PDE3B: variants seen among roughly 807,000 people sequenced by gnomAD.
The protein encoded by PDE3B is cGMP-inhibited 3',5'-cyclic phosphodiesterase 3B.
Under a neutral mutation model 116.8 loss-of-function variants are expected in PDE3B, and 66 were observed. The observed-to-expected ratio is 0.56, with a 90% CI of 0.46 to 0.69. PDE3B has a LOEUF of 0.69. PDE3B is among the 30% of genes least tolerant of loss of function. The pLI is 0.00. For missense variants in PDE3B, 1,384 were observed against 1,368.1 expected, an observed-to-expected ratio of 1.01 and a Z score of -0.18; for synonymous variants, 595 against 533.6, an observed-to-expected ratio of 1.12 and a Z score of -1.59.
At chr11:14,840,162 G>A (rs1196394824) in intron 11 of PDE3B, among the ~76,000 whole-genome samples, 1 of 152,164 alleles carries the variant, frequency 6.6e-6, no homozygotes, top group Non-Finnish European at 1.5e-5. Flanking sequence ...AAAAGAAAAT[G>A]TCTTTTGCAG....
rs1848107693 is a variant in PDE3B at position 14,869,525 on chromosome 11, C to G, written c.3204C>G (p.Asn1068Lys). 3.1e-6 allele frequency: 5 copies of G among 1,612,502 alleles called. No homozygotes were observed. Among genetic ancestry groups the G allele is most frequent in the Non-Finnish European group, 2.5e-6 (3 of 1,179,620 alleles). The change falls in exon 16 of 16, where the codon AAC (asparagine) becomes AAG (lysine). Residue 1068 changes from asparagine to lysine, a missense_variant. Coordinates refer to ENST00000282096, the MANE Select transcript of PDE3B (RefSeq NM_000922.4). ...AGCTAATGCACCACCTCACTGAAAA[C>G]CACAAGATATGGAAGGAAATCGTAG... is the stretch of plus-strand genomic sequence containing the variant. The part of the protein sequence containing the change: ...FCQLMHHLTE[N>K]HKIWKEIVEE...
In PDE3B at chr11:14,763,724, C is replaced by G. The variant is rs537026356; in HGVS notation, c.979-8213C>G. 5.9e-5 allele frequency among the ~76,000 whole-genome samples: 9 copies of G among 152,092 alleles called. No individual in the cohort carries two copies. In the East Asian group the frequency reaches 1.2e-3, roughly 20 times the overall value. On this transcript the variant is annotated intron_variant, in intron 1 of 15. Transcript: ENST00000282096. ...GAATGAAATGCCAGGTATATGGATA[C>G]AGATATTAGAAGGTAATATGATGAT...
At chr11:14,897,588 C>T in the PDE3B span, among the ~76,000 whole-genome samples, 1 of 152,176 alleles carries the variant, frequency 6.6e-6, no homozygotes, top group East Asian at 1.9e-4. Flanking sequence ...TCTTCAACAA[C>T]TTTGAAAATT....
chr11:14,884,362 T>C, the PDE3B span, among the ~76,000 whole-genome samples: 2 of 151,988 alleles, frequency 1.3e-5, no homozygotes, highest in Non-Finnish European at 2.9e-5. Context: ...TAAAAAATAA[T>C]GAGTTCATGT....
chr11:14,810,480 C>T (rs1859092216), intron 5 of PDE3B, among the ~76,000 whole-genome samples: 1 of 151,998 alleles, frequency 6.6e-6, no homozygotes, highest in Non-Finnish European at 1.5e-5. Context: ...ATCCATGTCC[C>T]TACAAAGGAC....
chr11:14,849,720 A>G (rs1276247397), intron 12 of PDE3B, among the ~76,000 whole-genome samples: 2 of 152,250 alleles, frequency 1.3e-5, no homozygotes, highest in Admixed American at 6.5e-5. Flanking sequence ...TTATGCAGCC[A>G]AAAAACACGT....
At chr11:14,652,459 G>T (rs1471587911) in intron 1 of PDE3B, among the ~76,000 whole-genome samples, 1 of 152,062 alleles carries the variant, frequency 6.6e-6, no homozygotes. Context: ...TTGGCTATTT[G>T]AGTGTCCTTT....
chr11:14,786,998 C>T (rs772072508), intron 3 of PDE3B, among the ~76,000 whole-genome samples: 5 of 151,964 alleles, frequency 3.3e-5, no homozygotes, highest in Non-Finnish European at 5.9e-5. Flanking sequence ...CACGTTATTG[C>T]TCTATTTTAT....
rs1853315098 is a variant in PDE3B at position 14,644,491 on chromosome 11, C to G, written c.416C>G (p.Thr139Ser). Residue 139 changes from threonine to serine, a missense_variant, in exon 1 of 16, where the codon ACC becomes AGC. Thr to Ser is a moderately conservative substitution (Grantham distance 58, BLOSUM62 1). Around this residue, in one of 2 missense-constraint regions of PDE3B, gnomAD observed 956 missense variants for 806.8 expected, o/e 1.18. Coordinates refer to ENST00000282096, the MANE Select transcript of PDE3B (RefSeq NM_000922.4). The stretch of plus-strand genomic sequence containing the variant: ...TTCCTCACCTGCTTCCTCACCCGGA[C>G]CAAGCGGGGACCCGGCCCGGGCCGG... Reference protein sequence around the residue: ...FFFLTCFLTRTKRGPGPGRSC... With the variant: ...FFFLTCFLTRSKRGPGPGRSC... The G allele has an allele frequency of 7.4e-6, 12 of 1,612,724 alleles. No individual in the cohort carries two copies. Among genetic ancestry groups the G allele is most frequent in the Non-Finnish European group, 1.0e-5 (12 of 1,179,474 alleles).
chr11:14,795,513 C>T (rs553697064), intron 4 of PDE3B, among the ~76,000 whole-genome samples: 190 of 152,178 alleles, frequency 1.2e-3, no homozygotes, highest in African/African-American at 4.0e-3. Context: ...TGGGAAGATT[C>T]GGGAACTAAT....
downstream of PDE3B, among the ~76,000 whole-genome samples, chr11:14,872,592 A>G (rs1347228878): frequency 6.6e-6 from 1 of 152,204 alleles, no homozygotes; most frequent in Admixed American, 6.5e-5. Flanking sequence ...ACCAATGGAA[A>G]ACTTTCAATC....
chr11:14,890,895 C>A, the PDE3B span: 2 of 985,374 alleles, frequency 2.0e-6, no homozygotes, highest in Non-Finnish European at 2.4e-6. Context: ...GATTTAAGGT[C>A]AAACCTGAAA....
At chr11:14,698,638 T>G (rs189834558) in intron 1 of PDE3B, among the ~76,000 whole-genome samples, 1 of 152,156 alleles carries the variant, frequency 6.6e-6, no homozygotes, top group East Asian at 1.9e-4. Flanking sequence ...CCTCACACAG[T>G]GCTTAGGAAG....
rs1257885907 is a variant in PDE3B, at chr11:14,651,826, G to C, written c.978+6773G>C. Among the ~76,000 whole-genome samples the C allele has an allele frequency of 2.0e-5, 3 of 152,134 alleles. No homozygotes were observed. In the East Asian group the frequency reaches 5.8e-4, roughly 29 times the overall value. ...ATCAAATTTCAATATATGTATGACT[G>C]TATCTGGGCTCTATTATGTTTGATT... On this transcript the variant is annotated intron_variant, in intron 1 of 15. Coordinates refer to ENST00000282096, the MANE Select transcript of PDE3B (RefSeq NM_000922.4).
chr11:14,882,108 A>T, the PDE3B span, among the ~76,000 whole-genome samples: 1 of 152,110 alleles, frequency 6.6e-6, no homozygotes, highest in Admixed American at 6.6e-5. Context: ...ATACTCCCAG[A>T]TGACTATTCA....
chr11:14,683,033 G>A (rs568373966), intron 1 of PDE3B, among the ~76,000 whole-genome samples: 65 of 151,930 alleles, frequency 4.3e-4, no homozygotes, highest in African/African-American at 1.5e-3. Context: ...CGCCTCCCAG[G>A]TTCAAGTGAT....
chr11:14,669,479 A>G (rs908109944), intron 1 of PDE3B, among the ~76,000 whole-genome samples: 1 of 152,280 alleles, frequency 6.6e-6, no homozygotes, highest in East Asian at 1.9e-4. Flanking sequence ...TTTTTAAATT[A>G]TACTTTTAAG....
At chr11:14,854,731 G>A (rs1240465041) in intron 12 of PDE3B, among the ~76,000 whole-genome samples, 1 of 152,112 alleles carries the variant, frequency 6.6e-6, no homozygotes, top group East Asian at 1.9e-4. Flanking sequence ...TGGCCAGGAT[G>A]GTCTCGATCT....
At chr11:14,697,051 C>T (rs1332298420) in intron 1 of PDE3B, among the ~76,000 whole-genome samples, 1 of 151,970 alleles carries the variant, frequency 6.6e-6, no homozygotes, top group African/African-American at 2.4e-5. Context: ...AGCCTCCTGC[C>T]TCCGCCTCCC....
Sources: gnomAD v4.1 joint callset for allele counts (sites outside exome capture counted in the v4.1 genomes callset) on GRCh38, gnomAD v4.1.1 for gene constraint, gnomAD v4.1.1 regional missense constraint, MANE v1.5 for transcripts, NCBI Gene and HGNC (gene_info 2026-07-23, HGNC 2026-07-21) for gene names.